The following MYLK variants were observed in gnomAD, a reference collection of about 807,000 sequenced individuals.
MYLK encodes the protein myosin light chain kinase, also known as myosin light chain kinase, smooth muscle.
A neutral mutation model predicts 203.4 loss-of-function variants in MYLK; 106 were observed. That is an observed-to-expected ratio of 0.52 (90% CI 0.45 to 0.61). MYLK has a LOEUF of 0.61. Among genes scored for constraint, MYLK ranks in the 20% least tolerant of loss-of-function variants. The pLI, the probability that MYLK is intolerant of heterozygous loss-of-function variation, is 0.00. For missense variants in MYLK, 2,072 were observed against 2,442.3 expected (o/e 0.85, Z 3.20); for synonymous variants, 867 against 959.5 (o/e 0.90, Z 1.78).
Position 123,667,161 on chromosome 3 carries a change from C to T in MYLK, c.3679G>A (p.Ala1227Thr). The T allele has an allele frequency of 6.2e-7, 1 of 1,614,094 alleles. No homozygotes were observed. Among genetic ancestry groups the T allele is most frequent in the Non-Finnish European group, 8.5e-7 (1 of 1,180,006 alleles). Residue 1227 changes from alanine to threonine, a missense_variant, in exon 21 of 34, where the codon GCC (alanine) becomes ACC (threonine). Around this residue, in one of 3 missense-constraint regions of MYLK, gnomAD observed 865 missense variants for 1,016.0 expected, o/e 0.85. Coordinates refer to ENST00000360304, the MANE Select transcript of MYLK (RefSeq NM_053025.4). ...CCTGCCTTCGGAGGTGTCTTGGGGG[C>T]AGGTTTCTTTTTCACAGTCGCATCA... Reference protein sequence around the residue: ...ESDATVKKKPAPKTPPKAAMP... With the variant: ...ESDATVKKKPTPKTPPKAAMP...
Position 123,793,783 on chromosome 3 carries a change from T to G in MYLK, c.59A>C (p.Asp20Ala), listed in dbSNP as rs754336184. Residue 20 changes from aspartate (D) to alanine (A), a missense_variant, in exon 4 of 34, where the codon GAT becomes GCT. Physicochemically the swap from Asp to Ala is moderately radical, Grantham distance 126. Coordinates refer to ENST00000360304, the MANE Select transcript of MYLK (RefSeq NM_053025.4). ...SHISKTSLSV[D>A]PSRVDSMPLT... ...GGGCATGGAGTCAACTCTTGAGGGATCCACACTGAGGGAGGTTTTGGAAAT... is the reference window on the plus strand; with the variant it reads ...GGGCATGGAGTCAACTCTTGAGGGAGCCACACTGAGGGAGGTTTTGGAAAT... 3.1e-6 allele frequency: 5 copies of G among 1,614,156 alleles called. No individual in the cohort carries two copies. The highest frequency in any genetic ancestry group is 4.2e-6 in the Non-Finnish European group (5 of 1,180,018).
intron 7 of MYLK, 29 bp from the exon 8 acceptor site, chr3:123,737,572 A>G (rs1330159444): frequency 1.2e-6 from 2 of 1,613,756 alleles, no homozygotes; most frequent in East Asian, 2.2e-5. Context: ...TAACTTGGTC[A>G]TACAAATCTG....
rs978050486 is a variant in MYLK at position 123,611,470 on chromosome 3, C to T, written c.*2635G>A. 7.5e-6 allele frequency: 1 copy of T among 133,600 alleles called. No individual in the cohort carries two copies. Among genetic ancestry groups the T allele is most frequent in the Non-Finnish European group, 1.5e-5 (1 of 65,388 alleles). 8.3% of individuals were successfully genotyped at this position (133,600 alleles called of 1,614,324 possible). A position where few individuals can be genotyped will look rare whatever the true frequency, so the allele number is the denominator to read the frequency against. ...ATGATGATGATGATGATGATAATGT[C>T]ACATGTTAAAAATGTCATATAGATT... On this transcript the variant is annotated 3_prime_UTR_variant, in exon 34 of 34. Coordinates refer to ENST00000360304, the MANE Select transcript of MYLK (RefSeq NM_053025.4).
At chr3:123,776,473 T>A (rs899074439) in intron 4 of MYLK, among the ~76,000 whole-genome samples, 2 of 152,186 alleles carry the variant, frequency 1.3e-5, no homozygotes, top group African/African-American at 4.8e-5. Flanking sequence ...AAAAACTTCA[T>A]GTATAAAGAT....
chr3:123,812,106 C>T (rs947784394), intron 3 of MYLK, among the ~76,000 whole-genome samples: 13 of 152,258 alleles, frequency 8.5e-5, no homozygotes, highest in Admixed American at 5.2e-4. Context: ...TCAGAGTCAG[C>T]GATAGAGATT....
At chr3:123,743,359 T>C (rs573723524) in intron 5 of MYLK, among the ~76,000 whole-genome samples, 6 of 152,192 alleles carry the variant, frequency 3.9e-5, no homozygotes, top group African/African-American at 1.4e-4. Context: ...CAGCTAAAAA[T>C]GGAATTGATG....
At chr3:123,725,094 C>T (rs2062233050) in intron 12 of MYLK, among the ~76,000 whole-genome samples, 1 of 152,154 alleles carries the variant, frequency 6.6e-6, no homozygotes. Context: ...GAGCTGAGAT[C>T]CCAAACCTTC....
At chr3:123,813,731 G>A (rs371209640) in intron 3 of MYLK, among the ~76,000 whole-genome samples, 1 of 152,112 alleles carries the variant, frequency 6.6e-6, no homozygotes, top group Non-Finnish European at 1.5e-5. Flanking sequence ...GGCTGGGCTC[G>A]AACTCCCAAC....
chr3:123,629,253 T>A lies in MYLK; in HGVS notation c.5114+221A>T, dbSNP rs1220288020. Among the ~76,000 whole-genome samples, 2 of 152,128 alleles carry A rather than the reference T, an allele frequency of 1.3e-5. No homozygotes were observed. The highest frequency in any genetic ancestry group is 4.8e-5 in the African/African-American group (2 of 41,430). ...AGGTGTCTGAGCCTCTGAAGGTGAA[T>A]CCCATGTCTAGCTCCAGGGGGCAGG... On this transcript the variant is annotated intron_variant, in intron 30 of 33. Coordinates refer to ENST00000360304, the MANE Select transcript of MYLK (RefSeq NM_053025.4). This position sits in a 1 kb window ranked among gnomAD's most constrained non-coding sequence, Gnocchi z 4.4.
Position 123,657,271 on chromosome 3 carries a change from T to C in MYLK, c.4143A>G (p.Leu1381=). The part of the protein sequence containing the change: ...WDSANKTWKE[L]ATCRSTSFNV... ...TGAAAGAGGTGCTGCGGCATGTGGC[T>C]AGTTCCTTCCACGTCTTGTTGGCTG... The change falls in exon 24 of 34, where the codon CTA becomes CTG. Residue 1381 remains leucine (L), a synonymous_variant. Coordinates refer to ENST00000360304, the MANE Select transcript of MYLK (RefSeq NM_053025.4). 6.2e-7 allele frequency: 1 copy of C among 1,614,140 alleles called. No individual in the cohort carries two copies.
chr3:123,648,540 C>T lies in MYLK; in HGVS notation c.4415+431G>A, dbSNP rs944874681. On this transcript the variant is annotated intron_variant, in intron 26 of 33. Coordinates refer to ENST00000360304, the MANE Select transcript of MYLK (RefSeq NM_053025.4). The surrounding 1 kb of genome is among the most constrained non-coding windows in gnomAD (Gnocchi z 4.5). ...AGGATGTGTACGTTACGTAGGTAAACGTGTGCCATGGTGGTTTGCTGCACC... is the reference window on the plus strand; with the variant it reads ...AGGATGTGTACGTTACGTAGGTAAATGTGTGCCATGGTGGTTTGCTGCACC... Among the ~76,000 whole-genome samples the T allele has an allele frequency of 6.6e-6, 1 of 152,100 alleles. No individual in the cohort carries two copies. Among genetic ancestry groups the T allele is most frequent in the Non-Finnish European group, 1.5e-5 (1 of 68,030 alleles).
At chr3:123,712,789 G>C (rs553087630) in intron 13 of MYLK, among the ~76,000 whole-genome samples, 1 of 152,298 alleles carries the variant, frequency 6.6e-6, no homozygotes, top group African/African-American at 2.4e-5. Context: ...ATCATCACAG[G>C]ACTTTGGGTA....
Position 123,759,885 on chromosome 3 carries a change from G to C in MYLK, c.166-7347C>G, listed in dbSNP as rs1218980545. Among the ~76,000 whole-genome samples, 3 of 152,228 alleles carry C rather than the reference G, an allele frequency of 2.0e-5. No homozygotes were observed. In the East Asian group the frequency reaches 5.8e-4, roughly 29 times the overall value. ...ATATACAGTGAAGAGAAGAAATGGA[G>C]ACAGAGTTGACAGAGCTGTGGTAGA... On this transcript the variant is annotated intron_variant, in intron 4 of 33. Transcript: ENST00000360304.
chr3:123,720,903 T>C (rs1221550871), intron 13 of MYLK, among the ~76,000 whole-genome samples: 1 of 152,148 alleles, frequency 6.6e-6, no homozygotes. Context: ...AGGGGATGTG[T>C]CCTCTGAAAA....
In MYLK at chr3:123,657,493, A is replaced by G. The variant is rs547456749; in HGVS notation, c.3986-65T>C. ...AATTGCAGGCAAAGGAAGTTTTTGA[A>G]TTACCTGTGTCATGGGGGGAAGGCA... is the stretch of plus-strand genomic sequence containing the variant. On this transcript the variant is annotated intron_variant, in intron 23 of 33. Transcript: ENST00000360304. 22 of 1,544,330 alleles carry G rather than the reference A, an allele frequency of 1.4e-5. No homozygotes were observed. The South Asian group carries it at 2.4e-4, about 17-fold the overall frequency.
intron 4 of MYLK, among the ~76,000 whole-genome samples, chr3:123,784,403 T>TTTTTTA (rs869293939): frequency 6.8e-6 from 1 of 147,694 alleles, no homozygotes; most frequent in East Asian, 2.0e-4. Flanking sequence ...TTTTTTTTTT[T>TTTTTTA]ACCTCTGTCA....
intron 20 of MYLK, among the ~76,000 whole-genome samples, chr3:123,672,914 C>T (rs1250878281): frequency 6.6e-6 from 1 of 152,160 alleles, no homozygotes; most frequent in Non-Finnish European, 1.5e-5. Context: ...GAGCATTTCA[C>T]TTGGTTCTCA....
At chr3:123,850,499 G>C (rs528713924) in intron 2 of MYLK, among the ~76,000 whole-genome samples, 1 of 152,316 alleles carries the variant, frequency 6.6e-6, no homozygotes, top group East Asian at 1.9e-4. Context: ...GGCCAGTGAT[G>C]ATGAGCATTT....
At chr3:123,755,320 T>G (rs1406232804) in intron 4 of MYLK, among the ~76,000 whole-genome samples, 1 of 152,238 alleles carries the variant, frequency 6.6e-6, no homozygotes, top group East Asian at 1.9e-4. Flanking sequence ...CTGGGGACAT[T>G]GCAAACGTTC....
Sources: allele counts gnomAD v4.1 joint callset (sites outside exome capture counted in the v4.1 genomes callset), GRCh38; gene constraint gnomAD v4.1.1; regional missense constraint gnomAD v4.1.1; non-coding constraint Gnocchi (gnomAD v3.1); transcripts MANE v1.5; gene names NCBI Gene and HGNC (gene_info 2026-07-23, HGNC 2026-07-21).